Variants in OSBPL3 observed in about 807,000 individuals in gnomAD.
OSBPL3 encodes oxysterol-binding protein-related protein 3.
A neutral mutation model predicts 120.1 loss-of-function variants in OSBPL3; 65 were observed. The observed-to-expected ratio is 0.54, with a 90% CI of 0.44 to 0.67. OSBPL3 has a LOEUF of 0.67. Ranked by LOEUF, OSBPL3 falls within the 30% of genes least tolerant of loss-of-function variation. The pLI, the probability that OSBPL3 is intolerant of heterozygous loss-of-function variation, is 0.00. For missense variants in OSBPL3, 1,004 were observed against 1,082.1 expected, an observed-to-expected ratio of 0.93 and a Z score of 1.01; for synonymous variants, 416 against 402.6, an observed-to-expected ratio of 1.03 and a Z score of -0.40.
chr7:24,797,808 G>GT lies in OSBPL3; in HGVS notation c.*2374dup, dbSNP rs1349213822. On this transcript the variant is annotated 3_prime_UTR_variant, in exon 23 of 23. Coordinates refer to ENST00000313367, the MANE Select transcript of OSBPL3 (RefSeq NM_015550.4). This position sits in a 1 kb window ranked among gnomAD's most constrained non-coding sequence, Gnocchi z 4.8. ...GCATTATTTAACCAGGAGATTTAAA[G>GT]TCCAGAAAATTAAATTCTACCTTGG... is the stretch of plus-strand genomic sequence containing the variant. 2 of 152,048 alleles carry GT rather than the reference G, an allele frequency of 1.3e-5. No homozygotes were observed. Among genetic ancestry groups the GT allele is most frequent in the African/African-American group, 4.8e-5 (2 of 41,386 alleles). The allele number at this position is 152,048 out of a possible 1,614,324, so 9.4% of individuals were successfully genotyped here.
chr7:24,798,755 C>T lies in OSBPL3; in HGVS notation c.*1428G>A, dbSNP rs1791975455. The T allele has an allele frequency of 6.6e-6, 1 of 152,550 alleles. No homozygotes were observed. The highest frequency in any genetic ancestry group is 2.4e-5 in the African/African-American group (1 of 41,404). 9.4% of individuals were successfully genotyped at this position (152,550 alleles called of 1,614,324 possible). ...ATATGCTCTGAATTTCTTTAAGTAT[C>T]TCAAAGTGTTTTCTGGAGAAATCTT... On this transcript the variant is annotated 3_prime_UTR_variant, in exon 23 of 23. Coordinates refer to ENST00000313367, the MANE Select transcript of OSBPL3 (RefSeq NM_015550.4). This position sits in a 1 kb window ranked among gnomAD's most constrained non-coding sequence, Gnocchi z 4.6.
chr7:24,907,350 C>T (rs1462404091), intron 1 of OSBPL3, among the ~76,000 whole-genome samples: 3 of 152,224 alleles, frequency 2.0e-5, no homozygotes, highest in Non-Finnish European at 4.4e-5. Flanking sequence ...GTTTTGGACT[C>T]TGGATCTACC....
At position 24,798,830 on chromosome 7, in the gene OSBPL3, GAAT is replaced by G. The variant is rs1791983748; in HGVS notation, c.*1350_*1352del. 6.6e-6 allele frequency: 1 copy of G among 152,552 alleles called. No homozygotes were observed. Among genetic ancestry groups the G allele is most frequent in the African/African-American group, 2.4e-5 (1 of 41,424 alleles). The allele number at this position is 152,552 out of a possible 1,614,324, so 9.4% of individuals were successfully genotyped here. ...TTCCATAGCATTGCTATGGACTTTA[GAAT>G]AAGAGGCTTAACAATTAGGCTTTGG... On this transcript the variant is annotated 3_prime_UTR_variant, in exon 23 of 23. Coordinates refer to ENST00000313367, the MANE Select transcript of OSBPL3 (RefSeq NM_015550.4). The surrounding 1 kb of genome is among the most constrained non-coding windows in gnomAD (Gnocchi z 4.6).
chr7:24,859,611 G>A (rs1254847150), intron 10 of OSBPL3, among the ~76,000 whole-genome samples: 3 of 152,166 alleles, frequency 2.0e-5, no homozygotes, highest in South Asian at 2.1e-4. Flanking sequence ...GGACTCTGGG[G>A]TCAAACAGGT....
At chr7:24,889,458 C>T (rs1284409438) in intron 2 of OSBPL3, among the ~76,000 whole-genome samples, 1 of 152,130 alleles carries the variant, frequency 6.6e-6, no homozygotes, top group Non-Finnish European at 1.5e-5. Context: ...CACACACACA[C>T]ACACAAATAA....
rs1425812820 is a variant in OSBPL3 at position 24,827,196 on chromosome 7, A to T, written c.1884+3572T>A. On this transcript the variant is annotated intron_variant, in intron 16 of 22. Transcript: ENST00000313367. This position sits in a 1 kb window ranked among gnomAD's most constrained non-coding sequence, Gnocchi z 5.1. ...GCACAAGAAAACAAACCTCTAAGCC[A>T]TGAGAGCTTATCAATGACACATAAT... is the stretch of plus-strand genomic sequence containing the variant. Among the ~76,000 whole-genome samples, 1 of 152,234 alleles carries T rather than the reference A, an allele frequency of 6.6e-6. No individual in the cohort carries two copies. The highest frequency in any genetic ancestry group is 6.5e-5 in the Admixed American group (1 of 15,286).
In OSBPL3 at chr7:24,959,247, C is replaced by G. The variant is rs1410837085; in HGVS notation, c.-150+20639G>C. Among the ~76,000 whole-genome samples, 2 of 152,018 alleles carry G rather than the reference C, an allele frequency of 1.3e-5. No homozygotes were observed. Among genetic ancestry groups the G allele is most frequent in the African/African-American group, 4.8e-5 (2 of 41,362 alleles). On this transcript the variant is annotated intron_variant, in intron 1 of 22. Transcript: ENST00000313367. This position sits in a 1 kb window ranked among gnomAD's most constrained non-coding sequence, Gnocchi z 4.3. Reference sequence around the variant, plus strand: ...TTGGTATATACTCAATAAAAACGCACACATTTGTTCACCAAAAGTTATGTA... The same window carrying G: ...TTGGTATATACTCAATAAAAACGCAGACATTTGTTCACCAAAAGTTATGTA...
At chr7:24,910,632 C>T (rs2128416134) in intron 1 of OSBPL3, among the ~76,000 whole-genome samples, 1 of 152,348 alleles carries the variant, frequency 6.6e-6, no homozygotes, top group East Asian at 1.9e-4. Context: ...GAGGAAACCA[C>T]TGTGATCAAG....
chr7:24,916,712 C>T lies in OSBPL3; in HGVS notation c.-149-24091G>A, dbSNP rs1454682149. On this transcript the variant is annotated intron_variant, in intron 1 of 22. Transcript: ENST00000313367. The surrounding 1 kb of genome is among the most constrained non-coding windows in gnomAD (Gnocchi z 4.9). ...ATCTGCCTAATATCATTCCTCCCGA[C>T]ACCATCATCTAGTAGGGAAGTGTAG... Among the ~76,000 whole-genome samples, 2 of 152,054 alleles carry T rather than the reference C, an allele frequency of 1.3e-5. No homozygotes were observed. Among genetic ancestry groups the T allele is most frequent in the African/African-American group, 2.4e-5 (1 of 41,400 alleles).
rs930153091 is a variant in OSBPL3 at position 24,968,656 on chromosome 7, C to G, written c.-150+11230G>C. ...AGGTGATTCGCCCACCTCGGCCTCCCAAAGTGCTAGGATTACAGGTGTGAG... is the reference window on the plus strand; with the variant it reads ...AGGTGATTCGCCCACCTCGGCCTCCGAAAGTGCTAGGATTACAGGTGTGAG... On this transcript the variant is annotated intron_variant, in intron 1 of 22. Transcript: ENST00000313367. The surrounding 1 kb of genome is among the most constrained non-coding windows in gnomAD (Gnocchi z 4.6). Among the ~76,000 whole-genome samples, 1 of 152,330 alleles carries G rather than the reference C, an allele frequency of 6.6e-6. No homozygotes were observed. The highest frequency in any genetic ancestry group is 1.5e-5 in the Non-Finnish European group (1 of 68,034).
rs1011695554 is a variant in OSBPL3, at chr7:24,938,267, G to T, written c.-150+41619C>A. 2.6e-5 allele frequency among the ~76,000 whole-genome samples: 4 copies of T among 152,138 alleles called. No homozygotes were observed. The highest frequency in any genetic ancestry group is 4.4e-5 in the Non-Finnish European group (3 of 68,012). ...GCTGTCTTGCCTTCCACCACGTGAG[G>T]ACACAAAGAAGGCATCATCTATGAT... On this transcript the variant is annotated intron_variant, in intron 1 of 22. Transcript: ENST00000313367. The surrounding 1 kb of genome is among the most constrained non-coding windows in gnomAD (Gnocchi z 5.8).
rs1295340778 is a variant in OSBPL3, at chr7:24,972,360, T to G, written c.-150+7526A>C. Among the ~76,000 whole-genome samples the G allele has an allele frequency of 1.3e-5, 2 of 152,222 alleles. No homozygotes were observed. Among genetic ancestry groups the G allele is most frequent in the East Asian group, 3.8e-4 (2 of 5,202 alleles). On this transcript the variant is annotated intron_variant, in intron 1 of 22. Transcript: ENST00000313367. This position sits in a 1 kb window ranked among gnomAD's most constrained non-coding sequence, Gnocchi z 4.3. ...GATTCCCCAGCCACATTCTCTTTTC[T>G]CTTCCTTCAGCAACCTGAATCACAA...
chr7:24,962,342 A>G (rs1392703917), intron 1 of OSBPL3, among the ~76,000 whole-genome samples: 1 of 146,834 alleles, frequency 6.8e-6, no homozygotes, highest in Non-Finnish European at 1.5e-5. Context: ...GAAAGATAAG[A>G]AAGACAGCAA....
intron 16 of OSBPL3, among the ~76,000 whole-genome samples, chr7:24,829,239 T>A (rs1347559977): frequency 2.6e-5 from 4 of 152,228 alleles, no homozygotes; most frequent in Non-Finnish European, 4.4e-5. Flanking sequence ...ATTCTCATTC[T>A]ATTTTAGGTT....
At chr7:24,887,253 C>A (rs551167689) in intron 2 of OSBPL3, among the ~76,000 whole-genome samples, 91 of 152,194 alleles carry the variant, frequency 6.0e-4, no homozygotes, top group African/African-American at 2.1e-3. Flanking sequence ...TCAGGAGGGA[C>A]CAACAACCTA....
In OSBPL3 at chr7:24,803,843, A is replaced by C. The variant is rs1792684603; in HGVS notation, c.2567+472T>G. Among the ~76,000 whole-genome samples, 1 of 152,220 alleles carries C rather than the reference A, an allele frequency of 6.6e-6. No individual in the cohort carries two copies. The highest frequency in any genetic ancestry group is 6.5e-5 in the Admixed American group (1 of 15,278). On this transcript the variant is annotated intron_variant, in intron 22 of 22. Coordinates refer to ENST00000313367, the MANE Select transcript of OSBPL3 (RefSeq NM_015550.4). This position sits in a 1 kb window ranked among gnomAD's most constrained non-coding sequence, Gnocchi z 4.2. ...TTATTTTAAAGATAACAGTAAATGTAAGCCCAAGTGTACTGGAACTTCTAC... is the reference window on the plus strand; with the variant it reads ...TTATTTTAAAGATAACAGTAAATGTCAGCCCAAGTGTACTGGAACTTCTAC...
intron 1 of OSBPL3, among the ~76,000 whole-genome samples, chr7:24,976,633 C>T (rs1320739375): frequency 1.3e-5 from 2 of 152,176 alleles, no homozygotes; most frequent in East Asian, 3.8e-4. Context: ...AAACAACTCT[C>T]AATTATGCAT....
intron 14 of OSBPL3, among the ~76,000 whole-genome samples, chr7:24,839,411 G>T (rs17292264): frequency 0.2 from 30,456 of 152,130 alleles, 3,922 homozygotes; most frequent in Non-Finnish European, 0.29. Flanking sequence ...ATATTCCACA[G>T]TTCGAACTAG....
Position 24,840,831 on chromosome 7 carries a change from G to A in OSBPL3, c.1402-48C>T, listed in dbSNP as rs369044558. ...TTCATTAGAGTTAGAATAAACAAGA[G>A]CCAGATTTTCATAAAACCCTTACTC... On this transcript the variant is annotated intron_variant, in intron 13 of 22. Transcript: ENST00000313367. 80 of 858,668 alleles carry A rather than the reference G, an allele frequency of 9.3e-5. No homozygotes were observed. The African/African-American group carries it at 1.1e-3, about 11-fold the overall frequency. The allele number at this position is 858,668 out of a possible 1,614,324, so 53.2% of individuals were successfully genotyped here.
Sources: gnomAD v4.1 joint callset for allele counts (sites outside exome capture counted in the v4.1 genomes callset) on GRCh38, gnomAD v4.1.1 for gene constraint, Gnocchi (gnomAD v3.1) non-coding constraint, MANE v1.5 for transcripts, NCBI Gene and HGNC (gene_info 2026-07-23, HGNC 2026-07-21) for gene names.